FBXO42: variants seen among roughly 807,000 people sequenced by gnomAD.
The protein encoded by FBXO42 is F-box only protein 42.
FBXO42 carries 12 observed loss-of-function variants against 71.7 expected under a neutral mutation model. The observed-to-expected ratio is 0.17, with a 90% CI of 0.11 to 0.27. The LOEUF is 0.27. Among genes scored for constraint, FBXO42 ranks in the 10% least tolerant of loss-of-function variants. FBXO42 has a pLI of 1.00. For missense variants in FBXO42, 707 were observed against 911.9 expected (o/e 0.78, Z 2.89); for synonymous variants, 325 against 327.5 (o/e 0.99, Z 0.08).
chr1:16,294,382 G>A (rs758079088), intron 4 of FBXO42: 2 of 179,162 alleles, frequency 1.1e-5, no homozygotes, highest in Admixed American at 5.5e-5. Context: ...AAATATCTGA[G>A]CTGGCAACAA....
chr1:16,335,431 C>A (rs1217665771), intron 1 of FBXO42, among the ~76,000 whole-genome samples: 3 of 152,150 alleles, frequency 2.0e-5, no homozygotes, highest in Non-Finnish European at 4.4e-5. Context: ...AGACACCATG[C>A]CCCCGGCTCA....
At chr1:16,335,722 C>T (rs2082546475) in intron 1 of FBXO42, among the ~76,000 whole-genome samples, 1 of 151,650 alleles carries the variant, frequency 6.6e-6, no homozygotes, top group African/African-American at 2.4e-5. Context: ...AAAACATTAG[C>T]TGGGCGTGGT....
At position 16,352,387 on chromosome 1, in the gene FBXO42, G is replaced by T. The variant is rs889297332; in HGVS notation, c.-150C>A. 7.5e-6 allele frequency: 3 copies of T among 399,392 alleles called. No homozygotes were observed. The highest frequency in any genetic ancestry group is 8.8e-6 in the Non-Finnish European group (2 of 226,928). The allele number at this position is 399,392 out of a possible 1,614,324, so 24.7% of individuals were successfully genotyped here. Reference sequence around the variant, plus strand: ...GTGCTCGGGGCTCCTCACAGCTGGCGGGACCCCGAGCCGCCCGGAGCCGCC... The same window carrying T: ...GTGCTCGGGGCTCCTCACAGCTGGCTGGACCCCGAGCCGCCCGGAGCCGCC... On this transcript the variant is annotated 5_prime_UTR_variant, in exon 1 of 10. Transcript: ENST00000375592.
At chr1:16,286,268 GA>G (rs1162315971) in intron 4 of FBXO42, among the ~76,000 whole-genome samples, 2 of 152,134 alleles carry the variant, frequency 1.3e-5, no homozygotes, top group Non-Finnish European at 2.9e-5. Context: ...GTGCTATGAA[GA>G]AATACCCAAG....
chr1:16,262,925 C>T (rs967568462), intron 4 of FBXO42, among the ~76,000 whole-genome samples: 4 of 150,438 alleles, frequency 2.7e-5, no homozygotes, highest in African/African-American at 7.3e-5. Context: ...TGTGTAGGCT[C>T]GTCTCAAACT....
intron 1 of FBXO42, among the ~76,000 whole-genome samples, chr1:16,325,232 T>TG (rs898100518): frequency 6.6e-6 from 1 of 152,126 alleles, no homozygotes; most frequent in African/African-American, 2.4e-5. Flanking sequence ...AGCAAGACTC[T>TG]GTCCCAAAAC....
At chr1:16,337,032 C>A (rs1417373187) in intron 1 of FBXO42, among the ~76,000 whole-genome samples, 2 of 152,098 alleles carry the variant, frequency 1.3e-5, no homozygotes, top group Non-Finnish European at 2.9e-5. Context: ...TCTTTCCAAA[C>A]ACAAGTGCAC....
chr1:16,328,209 G>T (rs974251210), intron 1 of FBXO42, among the ~76,000 whole-genome samples: 1 of 152,052 alleles, frequency 6.6e-6, no homozygotes, highest in Non-Finnish European at 1.5e-5. Context: ...GAGGCTGGGG[G>T]ATCCTAGATT....
intron 1 of FBXO42, among the ~76,000 whole-genome samples, chr1:16,337,738 G>C (rs1202195983): frequency 6.6e-6 from 1 of 151,554 alleles, no homozygotes; most frequent in Non-Finnish European, 1.5e-5. Flanking sequence ...ACAAAAATTA[G>C]CTGGGCACGG....
chr1:16,338,804 C>CTTTTTTTTTTTT lies in FBXO42; in HGVS notation c.-18+13439_-18+13450dup, dbSNP rs71574177. Among the ~76,000 whole-genome samples the CTTTTTTTTTTTT allele has an allele frequency of 2.0e-3, 158 of 80,994 alleles. 2 individuals carry two copies. The highest frequency in any genetic ancestry group is 8.9e-3 in the Middle Eastern group (1 of 112). 53.1% of individuals were successfully genotyped at this position (80,994 alleles called of 152,430 possible). Reference sequence around the variant, plus strand: ...AATGGAACATTTTATTTCCATTTGTCTTTTTTTTTTTTTTTTTTTTTTTTG... The same window carrying CTTTTTTTTTTTT: ...AATGGAACATTTTATTTCCATTTGTCTTTTTTTTTTTTTTTTTTTTTTTTTTTTTTTTTTTTG... On this transcript the variant is annotated intron_variant, in intron 1 of 9. Transcript: ENST00000375592.
intron 4 of FBXO42, among the ~76,000 whole-genome samples, chr1:16,268,104 T>G (rs2081798422): frequency 6.6e-6 from 1 of 151,862 alleles, no homozygotes; most frequent in African/African-American, 2.4e-5. Context: ...TGATAATTTG[T>G]TAATTGCAGT....
At position 16,314,024 on chromosome 1, in the gene FBXO42, G is replaced by C. The variant is rs533195456; in HGVS notation, c.250+1145C>G. On this transcript the variant is annotated intron_variant, in intron 2 of 9. Transcript: ENST00000375592. ...GCTGGAGTCCAGTGGCGTGATCTTG[G>C]CTCACTGCAACCTCTGCCTCCTGGG... Among the ~76,000 whole-genome samples the C allele has an allele frequency of 2.6e-5, 4 of 152,296 alleles. No individual in the cohort carries two copies. The South Asian group carries it at 8.3e-4, about 32-fold the overall frequency.
At chr1:16,262,015 G>T (rs972911302) in intron 4 of FBXO42, among the ~76,000 whole-genome samples, 1 of 151,944 alleles carries the variant, frequency 6.6e-6, no homozygotes, top group East Asian at 1.9e-4. Context: ...CCTGGCCCAG[G>T]TATATCAAAT....
chr1:16,263,973 G>A lies in FBXO42; in HGVS notation c.503-7214C>T, dbSNP rs1323505185. On this transcript the variant is annotated intron_variant, in intron 4 of 9. Coordinates refer to ENST00000375592, the MANE Select transcript of FBXO42 (RefSeq NM_018994.3). The stretch of plus-strand genomic sequence containing the variant: ...TTAGAGGTGTGTGCTACCACACTTG[G>A]CTAATTTTTGTATTATTAGTAGAGA... 2.0e-5 allele frequency among the ~76,000 whole-genome samples: 3 copies of A among 151,842 alleles called. No homozygotes were observed. The East Asian group carries it at 5.9e-4, about 30-fold the overall frequency.
chr1:16,321,587 G>A (rs1326279439), intron 1 of FBXO42, among the ~76,000 whole-genome samples: 1 of 152,080 alleles, frequency 6.6e-6, no homozygotes, highest in African/African-American at 2.4e-5. Context: ...CCTGGAGGCA[G>A]GACCATTGGC....
chr1:16,347,672 T>C (rs2082663758), intron 1 of FBXO42, among the ~76,000 whole-genome samples: 1 of 151,580 alleles, frequency 6.6e-6, no homozygotes, highest in South Asian at 2.1e-4. Context: ...TTGGCCAACA[T>C]GTTGAAACCC....
chr1:16,311,503 A>AAAATATAT (rs1553153698), intron 2 of FBXO42, among the ~76,000 whole-genome samples: 6 of 65,564 alleles, frequency 9.2e-5, no homozygotes, highest in Non-Finnish European at 1.2e-4. Flanking sequence ...AAAAAAAAAA[A>AAAATATAT]ATATATATAT....
At chr1:16,341,608 TTAAAAAAAAAA>T (rs1442520779) in intron 1 of FBXO42, among the ~76,000 whole-genome samples, 3 of 70,668 alleles carry the variant, frequency 4.2e-5, no homozygotes, top group East Asian at 4.3e-4. Context: ...ACTGCGTCTT[TTAAAAAAAAAA>T]AAAAAAAAAA....
chr1:16,305,089 A>C (rs1457568366), intron 3 of FBXO42, among the ~76,000 whole-genome samples: 3 of 152,194 alleles, frequency 2.0e-5, no homozygotes, highest in Non-Finnish European at 4.4e-5. Context: ...CTCTTCATTA[A>C]AAAGTCAGAT....
Sources: allele counts gnomAD v4.1 joint callset (sites outside exome capture counted in the v4.1 genomes callset), GRCh38; gene constraint gnomAD v4.1.1; transcripts MANE v1.5; gene names NCBI Gene and HGNC (gene_info 2026-07-23, HGNC 2026-07-21).